The following PI4KB variants were observed in gnomAD, a reference collection of about 807,000 sequenced individuals.
PI4KB encodes the protein PtdIns 4-kinase beta.
Under a neutral mutation model 81.4 loss-of-function variants are expected in PI4KB, and 23 were observed. The ratio of observed to expected loss-of-function variants is 0.28; its 90% CI spans 0.20 to 0.40. The LOEUF (loss-of-function observed/expected upper bound fraction) is 0.40. Among genes scored for constraint, PI4KB ranks in the 10% least tolerant of loss-of-function variants. The probability of loss-of-function intolerance (pLI) is 1.00; values close to 1 mark genes in which losing one functional copy is unlikely to be tolerated. For synonymous variants in PI4KB, 381 were observed against 406.8 expected, an observed-to-expected ratio of 0.94 and a Z score of 0.76; for missense variants, 651 against 1,036.6, an observed-to-expected ratio of 0.63 and a Z score of 5.11.
chr1:151,324,045 A>G (rs576203397), intron 1 of PI4KB, among the ~76,000 whole-genome samples: 1 of 151,730 alleles, frequency 6.6e-6, no homozygotes, highest in East Asian at 2.0e-4. Context: ...TCTGCCTCTC[A>G]GGTTCAAGTG....
intron 9 of PI4KB, among the ~76,000 whole-genome samples, chr1:151,295,883 C>G (rs1026288613): frequency 6.6e-6 from 1 of 152,184 alleles, no homozygotes; most frequent in African/African-American, 2.4e-5. Context: ...TCTAGGCTCC[C>G]TGGGCCCTGA....
At chr1:151,310,958 C>A (rs1403339700) in intron 2 of PI4KB, among the ~76,000 whole-genome samples, 3 of 152,142 alleles carry the variant, frequency 2.0e-5, no homozygotes, top group Non-Finnish European at 4.4e-5. Context: ...ATCAGGCTAT[C>A]CACATGACAA....
intron 1 of PI4KB, among the ~76,000 whole-genome samples, chr1:151,323,333 C>A (rs1020058552): frequency 6.6e-6 from 1 of 151,980 alleles, no homozygotes; most frequent in African/African-American, 2.4e-5. Context: ...GGTGAAACCC[C>A]GTCTCTACTA....
chr1:151,321,402 C>T (rs1421298177), intron 1 of PI4KB, among the ~76,000 whole-genome samples: 1 of 151,902 alleles, frequency 6.6e-6, no homozygotes, highest in Non-Finnish European at 1.5e-5. Context: ...TTTTTTGAGA[C>T]AGAGTCTTGC....
intron 1 of PI4KB, among the ~76,000 whole-genome samples, chr1:151,325,470 G>A (rs1649477485): frequency 6.6e-6 from 1 of 152,172 alleles, no homozygotes; most frequent in South Asian, 2.1e-4. Flanking sequence ...GCAGCAACTA[G>A]TTGCCTAAGT....
rs1695000757 is a variant in PI4KB, at chr1:151,298,669, ATCTGTC to A, written c.2015+133_2015+138del. On this transcript the variant is annotated intron_variant, in intron 9 of 11. Coordinates refer to ENST00000368873, the MANE Select transcript of PI4KB (RefSeq NM_001369623.2). ...TCCTGACTTAATGTCATGGGAACAC[ATCTGTC>A]TCTGCTTAAAATACATTGTTTCATT... The A allele has an allele frequency of 2.9e-5, 27 of 933,678 alleles. No homozygotes were observed. The South Asian group carries it at 3.9e-4, about 13-fold the overall frequency. The allele number at this position is 933,678 out of a possible 1,614,324, so 57.8% of individuals were successfully genotyped here.
intron 3 of PI4KB, 36 bp downstream of exon 3, chr1:151,310,175 G>T: frequency 6.5e-7 from 1 of 1,532,892 alleles, no homozygotes; most frequent in Non-Finnish European, 9.0e-7. Context: ...GCCACTGGGG[G>T]AGCCTGCCAC....
At chr1:151,310,504 G>T (rs1557802740) in intron 2 of PI4KB, among the ~76,000 whole-genome samples, 1 of 152,196 alleles carries the variant, frequency 6.6e-6, no homozygotes, top group Admixed American at 6.5e-5. Flanking sequence ...AGCAGCCTCT[G>T]CTTTTCACTT....
Position 151,303,616 on chromosome 1 carries a change from ATGT to A in PI4KB, c.1442_1444del (p.Asn481del). ...GATGCTGTCCACAGAGAACTGGGAG[ATGT>A]TGTCACAGCTGTTGGTATGCACTTC... On this transcript the variant is annotated inframe_deletion, in exon 6 of 12. Coordinates refer to ENST00000368873, the MANE Select transcript of PI4KB (RefSeq NM_001369623.2). The A allele has an allele frequency of 6.2e-7, 1 of 1,613,858 alleles. No individual in the cohort carries two copies. Among genetic ancestry groups the A allele is most frequent in the Non-Finnish European group, 8.5e-7 (1 of 1,179,840 alleles).
At chr1:151,295,045 G>A (rs1780584) in intron 9 of PI4KB, among the ~76,000 whole-genome samples, 1 of 152,234 alleles carries the variant, frequency 6.6e-6, no homozygotes, top group Non-Finnish European at 1.5e-5. Flanking sequence ...AGGCTGAGTG[G>A]AGCTGAAATG....
At chr1:151,309,262 C>A (rs1336763135) in intron 3 of PI4KB, among the ~76,000 whole-genome samples, 1 of 152,148 alleles carries the variant, frequency 6.6e-6, no homozygotes, top group Non-Finnish European at 1.5e-5. Context: ...CTCTACCCCA[C>A]CCAATTCATA....
chr1:151,324,054 T>C (rs946802029), intron 1 of PI4KB, among the ~76,000 whole-genome samples: 1 of 151,802 alleles, frequency 6.6e-6, no homozygotes, highest in African/African-American at 2.4e-5. Flanking sequence ...CAGGTTCAAG[T>C]GATTCTCTGC....
At chr1:151,301,531 G>A (rs587639108) in intron 8 of PI4KB, among the ~76,000 whole-genome samples, 49 of 152,320 alleles carry the variant, frequency 3.2e-4, no homozygotes, top group African/African-American at 1.2e-3. Flanking sequence ...CGGAGTAGCT[G>A]GGACTACAGG....
In PI4KB at chr1:151,306,167, G is replaced by C; in HGVS notation, c.1379C>G (p.Ser460Trp). The change falls in exon 5 of 12, where the codon TCG (serine) becomes TGG (tryptophan). Residue 460 changes from serine to tryptophan, a missense_variant. By Grantham distance (177) the Ser-to-Trp change is radical. Transcript: ENST00000368873. ...PNYDNDDEAW[S>W]VDDIGELQVE... is the part of the protein sequence containing the mutation. ...TTGCAGCTCGCCTATGTCATCCACCGACCAGGCCTCATCATCGTTGTCATA... is the reference window on the plus strand; with the variant it reads ...TTGCAGCTCGCCTATGTCATCCACCCACCAGGCCTCATCATCGTTGTCATA... The C allele has an allele frequency of 6.2e-7, 1 of 1,614,026 alleles. No homozygotes were observed. The highest frequency in any genetic ancestry group is 8.5e-7 in the Non-Finnish European group (1 of 1,179,998).
At chr1:151,306,586 A>G (rs1695775904) in intron 4 of PI4KB, among the ~76,000 whole-genome samples, 1 of 152,220 alleles carries the variant, frequency 6.6e-6, no homozygotes, top group Admixed American at 6.5e-5. Flanking sequence ...AAATATTTCA[A>G]CTGAGCTCCA....
intron 1 of PI4KB, chr1:151,324,707 C>G (rs1202610717): frequency 7.3e-5 from 71 of 974,208 alleles, no homozygotes; most frequent in Non-Finnish European, 8.7e-5. Flanking sequence ...GGAGCCGCTA[C>G]TGAAACAGAT....
In PI4KB at chr1:151,318,151, G is replaced by A. The variant is rs371935309; in HGVS notation, c.-28-1642C>T. 9.9e-5 allele frequency among the ~76,000 whole-genome samples: 15 copies of A among 152,278 alleles called. No homozygotes were observed. The South Asian group carries it at 1.7e-3, about 17-fold the overall frequency. ...ATTAAAGTCTTGGCTAGGCGCAGTG[G>A]CTCACGCCTGTAATCCCAGCACTTT... On this transcript the variant is annotated intron_variant, in intron 1 of 11. Transcript: ENST00000368873.
intron 5 of PI4KB, among the ~76,000 whole-genome samples, chr1:151,304,179 G>T (rs1695536014): frequency 6.6e-6 from 1 of 152,102 alleles, no homozygotes; most frequent in Non-Finnish European, 1.5e-5. Flanking sequence ...AGTCTCTTCT[G>T]TCCTTCATAC....
intron 9 of PI4KB, 99 bp from the exon 10 acceptor site, chr1:151,294,640 G>A (rs747308431): frequency 2.4e-5 from 28 of 1,145,036 alleles, no homozygotes; most frequent in Non-Finnish European, 3.2e-5. Flanking sequence ...ACCAGGGAGG[G>A]GGGTCCCCTG....
Sources: gnomAD v4.1 joint callset for allele counts (sites outside exome capture counted in the v4.1 genomes callset) on GRCh38, gnomAD v4.1.1 for gene constraint, MANE v1.5 for transcripts, NCBI Gene and HGNC (gene_info 2026-07-23, HGNC 2026-07-21) for gene names.